ATG7: variants seen among roughly 807,000 people sequenced by gnomAD.
ATG7 encodes the protein autophagy related 7.
A neutral mutation model predicts 82.4 loss-of-function variants in ATG7; 70 were observed. The observed-to-expected ratio is 0.85, with a 90% confidence interval of 0.70 to 1.04. The LOEUF is 1.04. Ranked by LOEUF, ATG7 falls within the 50% of genes least tolerant of loss-of-function variation. The pLI is 0.00. For missense variants in ATG7, 792 were observed against 864.3 expected, an observed-to-expected ratio of 0.92 and a Z score of 1.05; for synonymous variants, 287 against 313.0, an observed-to-expected ratio of 0.92 and a Z score of 0.88.
chr3:11,340,546 C>A (rs1953380625), intron 11 of ATG7, 99 bp from the exon 12 acceptor site: 1 of 1,012,922 alleles, frequency 9.9e-7, no homozygotes, highest in Non-Finnish European at 1.5e-6. Context: ...ATGCATGGGC[C>A]ATTATGAATG....
At chr3:11,449,107 A>C (rs1366688040) in intron 20 of ATG7, among the ~76,000 whole-genome samples, 1 of 152,252 alleles carries the variant, frequency 6.6e-6, no homozygotes, top group Non-Finnish European at 1.5e-5. Context: ...TAAATAACAG[A>C]CAAGCCTTCA....
chr3:11,499,543 C>CAG (rs1303850443), intron 20 of ATG7, among the ~76,000 whole-genome samples: 7 of 152,008 alleles, frequency 4.6e-5, no homozygotes, highest in Non-Finnish European at 8.8e-5. Flanking sequence ...GTCAGGAGTT[C>CAG]GAGACCAGCC....
intron 20 of ATG7, among the ~76,000 whole-genome samples, chr3:11,496,940 A>C (rs2090877803): frequency 6.6e-6 from 1 of 151,122 alleles, no homozygotes; most frequent in Admixed American, 6.6e-5. Context: ...GCTCACTGCA[A>C]CCTCTGTTTC....
intron 19 of ATG7, among the ~76,000 whole-genome samples, chr3:11,388,132 A>G (rs1269461407): frequency 1.3e-5 from 2 of 152,086 alleles, no homozygotes; most frequent in African/African-American, 4.8e-5. Flanking sequence ...AACCAGTCCC[A>G]CCATGGCTGC....
intron 19 of ATG7, among the ~76,000 whole-genome samples, chr3:11,402,402 C>T (rs1051774645): frequency 1.3e-5 from 2 of 152,164 alleles, no homozygotes; most frequent in African/African-American, 2.4e-5. Flanking sequence ...CATTGCACTC[C>T]AGCCTGGGCA....
intron 19 of ATG7, among the ~76,000 whole-genome samples, chr3:11,411,618 CCA>C (rs2080903570): frequency 7.2e-5 from 1 of 13,966 alleles, no homozygotes; most frequent in Non-Finnish European, 1.5e-4. Context: ...GACTCTGTCT[CCA>C]AAAAAAAAAA....
chr3:11,314,332 C>T (rs1217010692), intron 8 of ATG7, among the ~76,000 whole-genome samples: 1 of 152,162 alleles, frequency 6.6e-6, no homozygotes, highest in African/African-American at 2.4e-5. Context: ...ACATCAATCA[C>T]TAAAGCCCTG....
At chr3:11,471,198 T>A (rs914807342) in intron 20 of ATG7, among the ~76,000 whole-genome samples, 2 of 152,160 alleles carry the variant, frequency 1.3e-5, no homozygotes, top group Admixed American at 6.5e-5. Context: ...TGCTTCAGAA[T>A]GAGATCAGCT....
chr3:11,432,198 G>T (rs1381149255), intron 20 of ATG7, among the ~76,000 whole-genome samples: 1 of 152,136 alleles, frequency 6.6e-6, no homozygotes, highest in Non-Finnish European at 1.5e-5. Flanking sequence ...ACTGGTTGGC[G>T]TTGGAGATGG....
downstream of ATG7, chr3:11,558,521 T>G: frequency 7.4e-7 from 1 of 1,350,870 alleles, no homozygotes; most frequent in Non-Finnish European, 9.8e-7. Flanking sequence ...AGGCAAACCA[T>G]GCAGATCCAC....
intron 20 of ATG7, among the ~76,000 whole-genome samples, chr3:11,434,752 G>A (rs1480650235): frequency 2.0e-5 from 3 of 152,278 alleles, no homozygotes; most frequent in Admixed American, 6.5e-5. Context: ...CCCACCCTTC[G>A]GAAAAGAGTC....
At chr3:11,385,178 C>T (rs1373717298) in intron 19 of ATG7, among the ~76,000 whole-genome samples, 4 of 152,114 alleles carry the variant, frequency 2.6e-5, no homozygotes, top group Admixed American at 6.5e-5. Flanking sequence ...TACAGGCGTG[C>T]GCCACCACAC....
At chr3:11,332,332 C>T (rs1441902144) in intron 10 of ATG7, among the ~76,000 whole-genome samples, 2 of 152,106 alleles carry the variant, frequency 1.3e-5, no homozygotes, top group Non-Finnish European at 2.9e-5. Flanking sequence ...ATAGGCAAAA[C>T]CAATGTATGG....
chr3:11,314,349 G>T (rs1949089845), intron 8 of ATG7, among the ~76,000 whole-genome samples: 1 of 152,166 alleles, frequency 6.6e-6, no homozygotes, highest in African/African-American at 2.4e-5. Context: ...CCTGAATACT[G>T]ATGCCATCAT....
chr3:11,275,660 C>G (rs1286531796), intron 1 of ATG7, among the ~76,000 whole-genome samples: 1 of 151,952 alleles, frequency 6.6e-6, no homozygotes, highest in Non-Finnish European at 1.5e-5. Context: ...TTCCTCTCCC[C>G]TTTCTATCTC....
intron 5 of ATG7, among the ~76,000 whole-genome samples, chr3:11,305,123 C>T (rs879563491): frequency 3.3e-5 from 5 of 152,212 alleles, no homozygotes; most frequent in Non-Finnish European, 2.9e-5. Context: ...TAGGAAGTGT[C>T]AGAACCAAGA....
intron 19 of ATG7, among the ~76,000 whole-genome samples, chr3:11,396,730 C>T (rs2079312412): frequency 6.8e-6 from 1 of 146,564 alleles, no homozygotes; most frequent in Non-Finnish European, 1.5e-5. Context: ...TGCAGTGAGC[C>T]GAGATGGCGC....
At position 11,411,284 on chromosome 3, in the gene ATG7, G is replaced by T. The variant is rs571981967; in HGVS notation, c.1957-15520G>T. On this transcript the variant is annotated intron_variant, in intron 19 of 20. Coordinates refer to ENST00000693202, the MANE Select transcript of ATG7 (RefSeq NM_001349232.2). ...ACATCATCTGCCCATTTTTAAACTT[G>T]GTTGTTTGTTGTTGAGTTTTAGAAT... is the stretch of plus-strand genomic sequence containing the variant. Among the ~76,000 whole-genome samples, 7 of 152,022 alleles carry T rather than the reference G, an allele frequency of 4.6e-5. No homozygotes were observed. The Middle Eastern group carries it at 0.01, about 222-fold the overall frequency.
Position 11,451,847 on chromosome 3 carries a change from CTA to C in ATG7, c.2079+24932_2079+24933del, listed in dbSNP as rs771070506. Among the ~76,000 whole-genome samples the C allele has an allele frequency of 7.9e-4, 117 of 148,980 alleles. 2 individuals are homozygous for C. Among genetic ancestry groups the C allele is most frequent in the Middle Eastern group, 7.0e-3 (2 of 286 alleles). On this transcript the variant is annotated intron_variant, in intron 20 of 20. Transcript: ENST00000693202. ...GCCCTGTCTCTCTCTATCTCTCTCT[CTA>C]TATATATATACGCCTTTACATACAC...
Sources: gnomAD v4.1 joint callset for allele counts (sites outside exome capture counted in the v4.1 genomes callset) on GRCh38, gnomAD v4.1.1 for gene constraint, MANE v1.5 for transcripts, NCBI Gene and HGNC (gene_info 2026-07-23, HGNC 2026-07-21) for gene names.